Variants in ITGBL1 observed in about 807,000 individuals in gnomAD.
ITGBL1 encodes the protein integrin beta-like protein 1.
Under a neutral mutation model 68.5 loss-of-function variants are expected in ITGBL1, and 51 were observed. That is an observed-to-expected ratio of 0.74 (90% CI 0.59 to 0.94). The LOEUF (loss-of-function observed/expected upper bound fraction) is 0.94. ITGBL1 is among the 40% of genes least tolerant of loss of function. The probability of loss-of-function intolerance (pLI) is 0.00; values close to 1 mark genes in which losing one functional copy is unlikely to be tolerated. For synonymous variants in ITGBL1, 209 were observed against 227.3 expected (o/e 0.92, Z 0.72); for missense variants, 649 against 647.4 (o/e 1.00, Z -0.03).
At chr13:101,688,075 C>G (rs1216331521) in intron 7 of ITGBL1, among the ~76,000 whole-genome samples, 1 of 151,698 alleles carries the variant, frequency 6.6e-6, no homozygotes, top group Non-Finnish European at 1.5e-5. Context: ...ATTTAGTAAA[C>G]AAAAGAAAAA....
Position 101,708,648 on chromosome 13 carries a change from T to TG in ITGBL1, c.1279+1748dup. Among the ~76,000 whole-genome samples the TG allele has an allele frequency of 2.0e-5, 3 of 152,326 alleles. 1 individual carries two copies. In the South Asian group the frequency reaches 6.2e-4, roughly 32 times the overall value. ...TGCTATCAAGTTGAAAGAGACTTTT[T>TG]GGCAGAACTTCAGACATCAAAGAGG... On this transcript the variant is annotated intron_variant, in intron 9 of 10. Transcript: ENST00000376180.
At chr13:101,522,737 G>A (rs544928441) in intron 2 of ITGBL1, among the ~76,000 whole-genome samples, 1 of 152,196 alleles carries the variant, frequency 6.6e-6, no homozygotes, top group Admixed American at 6.5e-5. Flanking sequence ...AACAAGTCAG[G>A]GCTCTTTGTT....
chr13:101,546,866 A>G (rs1429232250), intron 2 of ITGBL1, among the ~76,000 whole-genome samples: 1 of 152,092 alleles, frequency 6.6e-6, no homozygotes, highest in Non-Finnish European at 1.5e-5. Context: ...CTGTTTTCAT[A>G]TCTTACTGAA....
At position 101,452,749 on chromosome 13, in the gene ITGBL1, G is replaced by A. The variant is rs1176665707; in HGVS notation, c.-85G>A. 3.8e-6 allele frequency: 4 copies of A among 1,055,740 alleles called. No individual in the cohort carries two copies. The highest frequency in any genetic ancestry group is 2.5e-5 in the South Asian group (2 of 78,680). 65.4% of individuals were successfully genotyped at this position (1,055,740 alleles called of 1,614,324 possible). A position where few individuals can be genotyped will look rare whatever the true frequency, so the allele number is the denominator to read the frequency against. The stretch of plus-strand genomic sequence containing the variant: ...GGTCCGTCTGCCCAGCCATCTGCTG[G>A]TGGCACCTCTCCCTCCTGCCGCCTC... On this transcript the variant is annotated 5_prime_UTR_variant, in exon 1 of 11. The change creates a new upstream start codon in the 5' untranslated region. Coordinates refer to ENST00000376180, the MANE Select transcript of ITGBL1 (RefSeq NM_004791.3).
chr13:101,585,885 G>C (rs564445158), intron 6 of ITGBL1, among the ~76,000 whole-genome samples: 4 of 152,306 alleles, frequency 2.6e-5, no homozygotes, highest in Non-Finnish European at 2.9e-5. Context: ...TCACTCTCTT[G>C]TGAAATCCAT....
At chr13:101,491,894 G>C (rs968794977) in intron 2 of ITGBL1, among the ~76,000 whole-genome samples, 6 of 152,054 alleles carry the variant, frequency 3.9e-5, no homozygotes, top group Non-Finnish European at 7.4e-5. Context: ...TTGGATTTCT[G>C]TTCCTGGGTT....
chr13:101,707,961 T>C (rs2139589980), intron 9 of ITGBL1, among the ~76,000 whole-genome samples: 1 of 150,080 alleles, frequency 6.7e-6, no homozygotes, highest in South Asian at 2.1e-4. Flanking sequence ...CAATAAAACA[T>C]TTGCCATGGA....
chr13:101,522,848 C>A lies in ITGBL1; in HGVS notation c.317-44851C>A, dbSNP rs560302697. ...ATCCAGGCAGACAAGTGACAAAGAGCAAGCGCAGAGAGTAGGAATGGAATA... is the reference window on the plus strand; with the variant it reads ...ATCCAGGCAGACAAGTGACAAAGAGAAAGCGCAGAGAGTAGGAATGGAATA... On this transcript the variant is annotated intron_variant, in intron 2 of 10. Coordinates refer to ENST00000376180, the MANE Select transcript of ITGBL1 (RefSeq NM_004791.3). 3.3e-5 allele frequency among the ~76,000 whole-genome samples: 5 copies of A among 152,176 alleles called. No homozygotes were observed. The East Asian group carries it at 9.7e-4, about 29-fold the overall frequency.
intron 7 of ITGBL1, among the ~76,000 whole-genome samples, chr13:101,673,489 A>G (rs2033426802): frequency 6.6e-6 from 1 of 152,200 alleles, no homozygotes; most frequent in Non-Finnish European, 1.5e-5. Context: ...TACATGCTGT[A>G]CCTGGATAAA....
At chr13:101,719,551 A>G (rs2034850677), downstream of ITGBL1, 1 of 152,096 alleles carries the variant, frequency 6.6e-6, no homozygotes, top group African/African-American at 2.4e-5. Context: ...GTGGTAGCAA[A>G]ATGTTTTAAA....
chr13:101,504,323 TCCAGCAAAGAA>T (rs67749531), intron 2 of ITGBL1, among the ~76,000 whole-genome samples: 30,297 of 151,994 alleles, frequency 0.2, 3,485 homozygotes, highest in East Asian at 0.45. Context: ...AGAGTCACGA[TCCAGCAAAGAA>T]CCTGAAAATG....
intron 7 of ITGBL1, among the ~76,000 whole-genome samples, chr13:101,637,525 A>C (rs1330294870): frequency 6.6e-6 from 1 of 151,892 alleles, no homozygotes; most frequent in Non-Finnish European, 1.5e-5. Context: ...TTGTATTTTT[A>C]GTAGAGATGG....
chr13:101,666,603 A>G (rs2033224829), intron 7 of ITGBL1, among the ~76,000 whole-genome samples: 2 of 151,800 alleles, frequency 1.3e-5, no homozygotes, highest in Non-Finnish European at 2.9e-5. Context: ...AATTTTTGTG[A>G]GTACAGAATT....
At chr13:101,668,840 T>G (rs2033286803) in intron 7 of ITGBL1, among the ~76,000 whole-genome samples, 1 of 152,144 alleles carries the variant, frequency 6.6e-6, no homozygotes, top group Admixed American at 6.5e-5. Flanking sequence ...TTTATTTAAT[T>G]TTGGCTTCTT....
chr13:101,557,995 A>G (rs2050035131), intron 2 of ITGBL1, among the ~76,000 whole-genome samples: 1 of 147,340 alleles, frequency 6.8e-6, no homozygotes, highest in Admixed American at 6.9e-5. Context: ...AGACTAAGGC[A>G]GGAGAATTGC....
intron 2 of ITGBL1, among the ~76,000 whole-genome samples, chr13:101,552,705 A>T (rs1284409789): frequency 2.0e-5 from 3 of 152,234 alleles, no homozygotes; most frequent in African/African-American, 7.2e-5. Context: ...CAATAAAGTT[A>T]ACTCAAAATA....
At chr13:101,558,258 A>G (rs2050042356) in intron 2 of ITGBL1, among the ~76,000 whole-genome samples, 2 of 152,162 alleles carry the variant, frequency 1.3e-5, no homozygotes, top group Non-Finnish European at 2.9e-5. Flanking sequence ...AGAATGAGCT[A>G]AACAATGAGT....
At chr13:101,598,804 A>T (rs2030160974) in intron 7 of ITGBL1, among the ~76,000 whole-genome samples, 2 of 152,190 alleles carry the variant, frequency 1.3e-5, no homozygotes, top group South Asian at 2.1e-4. Context: ...CATGCTGTAT[A>T]TGTGCCATAT....
At chr13:101,515,277 T>A (rs970411111) in intron 2 of ITGBL1, among the ~76,000 whole-genome samples, 2 of 151,978 alleles carry the variant, frequency 1.3e-5, no homozygotes, top group African/African-American at 4.8e-5. Flanking sequence ...GTCATAGGAG[T>A]ACAATTTTTT....
Sources: gnomAD v4.1 joint callset for allele counts (sites outside exome capture counted in the v4.1 genomes callset) on GRCh38, gnomAD v4.1.1 for gene constraint, MANE v1.5 for transcripts, NCBI Gene and HGNC (gene_info 2026-07-23, HGNC 2026-07-21) for gene names.